The following YAP1 variants were observed in gnomAD, a reference collection of about 807,000 sequenced individuals.
The protein encoded by YAP1 is Yes1 associated transcriptional regulator.
A neutral mutation model predicts 56.9 loss-of-function variants in YAP1; 5 were observed. That is an observed-to-expected ratio of 0.09 (90% CI 0.05 to 0.18). The LOEUF (loss-of-function observed/expected upper bound fraction) is 0.18. YAP1 is among the 10% of genes least tolerant of loss of function. The probability of loss-of-function intolerance (pLI) is 1.00; values close to 1 mark genes in which losing one functional copy is unlikely to be tolerated. For missense variants in YAP1, 539 were observed against 651.8 expected (o/e 0.83, Z 1.88); for synonymous variants, 265 against 248.1 (o/e 1.07, Z -0.64).
intron 1 of YAP1, chr11:102,112,393 T>C (rs1029310349): frequency 1.3e-5 from 13 of 978,842 alleles, no homozygotes; most frequent in Non-Finnish European, 1.3e-5. Flanking sequence ...TGTGTAGGGT[T>C]CTCTCTTTTT....
intron 2 of YAP1, among the ~76,000 whole-genome samples, chr11:102,149,637 C>T (rs1942681): frequency 0.08 from 12,187 of 152,114 alleles, 778 homozygotes; most frequent in African/African-American, 0.16. Context: ...AAAGTAAAAA[C>T]AGAAATGGTA....
intron 3 of YAP1, among the ~76,000 whole-genome samples, chr11:102,184,598 T>G (rs1947848495): frequency 6.6e-6 from 1 of 152,296 alleles, no homozygotes; most frequent in East Asian, 1.9e-4. Context: ...CAGCTGCAAA[T>G]TGATCTGTTC....
intron 3 of YAP1, among the ~76,000 whole-genome samples, chr11:102,184,752 A>G (rs779887470): frequency 5.3e-5 from 8 of 152,190 alleles, no homozygotes; most frequent in African/African-American, 1.7e-4. Context: ...GAATTGTTCT[A>G]TTTGTGCATA....
intron 1 of YAP1, 144 bp downstream of exon 1, chr11:102,111,313 A>AGG (rs71059540): frequency 3.1e-5 from 28 of 912,302 alleles, no homozygotes; most frequent in African/African-American, 5.2e-5. Flanking sequence ...GGCGAAGTGG[A>AGG]ACTGGAGTCG....
intron 6 of YAP1, among the ~76,000 whole-genome samples, chr11:102,222,287 C>G (rs1949972171): frequency 6.6e-6 from 1 of 152,054 alleles, no homozygotes; most frequent in Admixed American, 6.6e-5. Flanking sequence ...TATTTCAAAT[C>G]AAACCCAAAA....
chr11:102,188,623 C>T (rs1284727738), intron 4 of YAP1, among the ~76,000 whole-genome samples: 1 of 149,050 alleles, frequency 6.7e-6, no homozygotes, highest in African/African-American at 2.4e-5. Flanking sequence ...GCTACAGTTG[C>T]CTACAGTGTT....
rs1389269121 is a variant in YAP1, at chr11:102,230,836, A to C, written c.*896A>C. ...CCTGGTTTTTTTTACCACCTTATTT[A>C]AATCTCGATTATCTGCTCTCTCTTT... On this transcript the variant is annotated 3_prime_UTR_variant, in exon 9 of 9. Transcript: ENST00000282441. The C allele has an allele frequency of 1.3e-5, 2 of 152,172 alleles. No individual in the cohort carries two copies. The highest frequency in any genetic ancestry group is 4.8e-5 in the African/African-American group (2 of 41,414). 9.4% of individuals were successfully genotyped at this position (152,172 alleles called of 1,614,324 possible). A position where few individuals can be genotyped will look rare whatever the true frequency, so the allele number is the denominator to read the frequency against.
chr11:102,114,724 A>G (rs1207774156), intron 2 of YAP1, among the ~76,000 whole-genome samples: 7 of 152,208 alleles, frequency 4.6e-5, no homozygotes, highest in Admixed American at 3.9e-4. Flanking sequence ...GAATACCATG[A>G]AAATTTTCAA....
At chr11:102,182,439 T>C (rs1195976139) in intron 3 of YAP1, among the ~76,000 whole-genome samples, 1 of 152,210 alleles carries the variant, frequency 6.6e-6, no homozygotes, top group African/African-American at 2.4e-5. Context: ...AAACACATTT[T>C]CACTAAGTGT....
At chr11:102,149,503 G>A (rs1426394) in intron 2 of YAP1, among the ~76,000 whole-genome samples, 95,863 of 152,050 alleles carry the variant, frequency 0.63, 30,645 homozygotes, top group South Asian at 0.76. Context: ...ACTAACATCA[G>A]TTATGTTTAA....
In YAP1 at chr11:102,114,404, A is replaced by G; in HGVS notation, c.572+10A>G. 1 of 1,604,898 alleles carries G rather than the reference A, an allele frequency of 6.2e-7. No homozygotes were observed. ...AGAGATACTTCTTAAAGTAAGTGAA[A>G]ATAATGGTGGGAGACAGTTATCTAA... On this transcript the variant is annotated intron_variant, in intron 2 of 8. Coordinates refer to ENST00000282441, the MANE Select transcript of YAP1 (RefSeq NM_001130145.3).
At chr11:102,208,094 A>C (rs1949214826) in intron 5 of YAP1, among the ~76,000 whole-genome samples, 1 of 152,170 alleles carries the variant, frequency 6.6e-6, no homozygotes, top group South Asian at 2.1e-4. Flanking sequence ...ATTAAATATC[A>C]CACCTAGAGA....
chr11:102,203,632 T>C (rs1478949762), intron 4 of YAP1, among the ~76,000 whole-genome samples: 2 of 152,222 alleles, frequency 1.3e-5, no homozygotes, highest in African/African-American at 2.4e-5. Flanking sequence ...AAGGATTCAT[T>C]ATCTGTATTA....
chr11:102,139,525 C>G (rs1302577471), intron 2 of YAP1, among the ~76,000 whole-genome samples: 1 of 152,166 alleles, frequency 6.6e-6, no homozygotes, highest in Non-Finnish European at 1.5e-5. Flanking sequence ...TTCAGGCATT[C>G]TAAACCCGCT....
chr11:102,162,911 C>T (rs1946378848), intron 3 of YAP1, among the ~76,000 whole-genome samples: 1 of 151,682 alleles, frequency 6.6e-6, no homozygotes, highest in Non-Finnish European at 1.5e-5. Context: ...GTTGAATTTA[C>T]CCTCTTCCCT....
intron 4 of YAP1, among the ~76,000 whole-genome samples, chr11:102,197,775 G>A (rs1330250176): frequency 6.6e-6 from 1 of 152,062 alleles, no homozygotes; most frequent in Non-Finnish European, 1.5e-5. Context: ...TGGAAACATT[G>A]GGATTTCAAT....
intron 4 of YAP1, among the ~76,000 whole-genome samples, chr11:102,193,114 C>G (rs1393626222): frequency 6.6e-6 from 1 of 152,158 alleles, no homozygotes; most frequent in Non-Finnish European, 1.5e-5. Context: ...GACAGAAAGT[C>G]TAATGTAAGC....
chr11:102,227,852 T>C (rs1392017987), intron 8 of YAP1, among the ~76,000 whole-genome samples: 1 of 152,042 alleles, frequency 6.6e-6, no homozygotes, highest in Non-Finnish European at 1.5e-5. Flanking sequence ...GTGTATTGTT[T>C]GAGCCCAGGA....
At chr11:102,143,801 G>C (rs1441624544) in intron 2 of YAP1, among the ~76,000 whole-genome samples, 2 of 152,198 alleles carry the variant, frequency 1.3e-5, no homozygotes, top group African/African-American at 4.8e-5. Flanking sequence ...TTATGCTTGT[G>C]TTGCTCAGTT....
Sources: gnomAD v4.1 joint callset for allele counts (sites outside exome capture counted in the v4.1 genomes callset) on GRCh38, gnomAD v4.1.1 for gene constraint, MANE v1.5 for transcripts, NCBI Gene and HGNC (gene_info 2026-07-23, HGNC 2026-07-21) for gene names.